Variants in UCK2 observed in about 807,000 individuals in gnomAD.
The protein encoded by UCK2 is cytidine monophosphokinase 2.
In UCK2, 6 loss-of-function variants were observed where a neutral mutation model predicts 30.8. The observed-to-expected ratio is 0.19, with a 90% confidence interval of 0.11 to 0.38. The LOEUF (loss-of-function observed/expected upper bound fraction) is 0.38. Ranked by LOEUF, UCK2 falls within the 10% of genes least tolerant of loss-of-function variation. The pLI, the probability that UCK2 is intolerant of heterozygous loss-of-function variation, is 1.00. For synonymous variants in UCK2, 125 were observed against 133.6 expected, an observed-to-expected ratio of 0.94 and a Z score of 0.45; for missense variants, 210 against 339.8, an observed-to-expected ratio of 0.62 and a Z score of 3.00.
chr1:165,847,352 C>A (rs1169361754), intron 1 of UCK2, among the ~76,000 whole-genome samples: 1 of 151,964 alleles, frequency 6.6e-6, no homozygotes, highest in Non-Finnish European at 1.5e-5. Flanking sequence ...GGAAAACTGA[C>A]AATAATTATC....
rs536109 is a variant in UCK2 at position 165,908,338 on chromosome 1, A to C, written c.*515A>C. 0.35 allele frequency: 53,448 copies of C among 151,796 alleles called. 9,690 individuals carry two copies. The highest frequency in any genetic ancestry group is 0.42 in the Non-Finnish European group (28,427 of 68,062). 9.4% of individuals were successfully genotyped at this position (151,796 alleles called of 1,614,324 possible). A position where few individuals can be genotyped will look rare whatever the true frequency, so the allele number is the denominator to read the frequency against. ...GAACTTGATGGGAATGGGGTTGGAA[A>C]ACCTTGATTGCCTCCTCTGTCACAT... On this transcript the variant is annotated 3_prime_UTR_variant, in exon 7 of 7. Coordinates refer to ENST00000367879, the MANE Select transcript of UCK2 (RefSeq NM_012474.5).
intron 1 of UCK2, among the ~76,000 whole-genome samples, chr1:165,873,490 T>C (rs1655253812): frequency 6.6e-6 from 1 of 152,234 alleles, no homozygotes; most frequent in Admixed American, 6.5e-5. Flanking sequence ...GATTATTACG[T>C]TCATTTTTTA....
chr1:165,888,722 A>G (rs923891779), intron 1 of UCK2, among the ~76,000 whole-genome samples: 3 of 142,990 alleles, frequency 2.1e-5, no homozygotes, highest in African/African-American at 5.3e-5. Context: ...ACCTCAAGCA[A>G]TCCACCCCCT....
At chr1:165,906,956 T>C (rs1647686006) in intron 6 of UCK2, among the ~76,000 whole-genome samples, 1 of 152,240 alleles carries the variant, frequency 6.6e-6, no homozygotes, top group Non-Finnish European at 1.5e-5. Flanking sequence ...TCTTTTAACC[T>C]GGAGATGTTC....
chr1:165,876,907 G>C (rs1286065473), intron 1 of UCK2, among the ~76,000 whole-genome samples: 1 of 152,120 alleles, frequency 6.6e-6, no homozygotes, highest in Non-Finnish European at 1.5e-5. Flanking sequence ...CACCTTTTCT[G>C]TTTCTTAGAA....
intron 1 of UCK2, among the ~76,000 whole-genome samples, chr1:165,871,268 A>G (rs976993789): frequency 5.3e-5 from 8 of 152,192 alleles, no homozygotes; most frequent in African/African-American, 1.9e-4. Flanking sequence ...GTGGGAAAAT[A>G]TACCTCGTGT....
At chr1:165,837,827 A>G (rs1654233057) in intron 1 of UCK2, among the ~76,000 whole-genome samples, 2 of 152,206 alleles carry the variant, frequency 1.3e-5, no homozygotes, top group African/African-American at 2.4e-5. Context: ...CATTTCCAAT[A>G]TTGAACTCCT....
At chr1:165,863,178 T>C (rs1654960887) in intron 1 of UCK2, among the ~76,000 whole-genome samples, 1 of 152,226 alleles carries the variant, frequency 6.6e-6, no homozygotes, top group Admixed American at 6.5e-5. Flanking sequence ...TAAGGATTTA[T>C]GCACTTGAGG....
chr1:165,898,332 T>C (rs529531869), intron 4 of UCK2, among the ~76,000 whole-genome samples: 2 of 152,220 alleles, frequency 1.3e-5, no homozygotes, highest in Non-Finnish European at 2.9e-5. Flanking sequence ...GATTGGTACT[T>C]CTGGGATAGT....
chr1:165,851,066 A>G (rs1414845839), intron 1 of UCK2, among the ~76,000 whole-genome samples: 1 of 150,998 alleles, frequency 6.6e-6, no homozygotes, highest in Non-Finnish European at 1.5e-5. Flanking sequence ...ACCCAGCTTA[A>G]TCAGCCTGTG....
At chr1:165,879,914 C>A (rs1655440652) in intron 1 of UCK2, among the ~76,000 whole-genome samples, 1 of 152,166 alleles carries the variant, frequency 6.6e-6, no homozygotes, top group African/African-American at 2.4e-5. Context: ...CTCTTTCCTT[C>A]CCCTGTTGCT....
chr1:165,869,087 G>A (rs1655123624), intron 1 of UCK2, among the ~76,000 whole-genome samples: 1 of 152,164 alleles, frequency 6.6e-6, no homozygotes, highest in African/African-American at 2.4e-5. Flanking sequence ...CCAGTCAGTG[G>A]AACAGTCAGA....
chr1:165,828,048 C>T (rs1653936915), intron 1 of UCK2, 116 bp downstream of exon 1: 3 of 668,500 alleles, frequency 4.5e-6, no homozygotes, highest in Admixed American at 5.4e-5. Flanking sequence ...CCGCGCGCCT[C>T]CGCTCCCGGC....
chr1:165,833,454 G>A (rs945567007), intron 1 of UCK2, among the ~76,000 whole-genome samples: 1 of 152,116 alleles, frequency 6.6e-6, no homozygotes, highest in Non-Finnish European at 1.5e-5. Context: ...GTAGAATGAA[G>A]AAGAAACCCT....
intron 1 of UCK2, among the ~76,000 whole-genome samples, chr1:165,875,622 G>A (rs141721281): frequency 6.6e-6 from 1 of 152,288 alleles, no homozygotes; most frequent in African/African-American, 2.4e-5. Flanking sequence ...ACTTCAAGTC[G>A]AGGTTCCCAT....
chr1:165,839,568 A>G (rs1006051135), intron 1 of UCK2, among the ~76,000 whole-genome samples: 1 of 152,140 alleles, frequency 6.6e-6, no homozygotes, highest in Non-Finnish European at 1.5e-5. Flanking sequence ...TTGAAGCTTT[A>G]TAATGTGTCC....
intron 1 of UCK2, among the ~76,000 whole-genome samples, chr1:165,840,522 G>C (rs1392370104): frequency 6.6e-6 from 1 of 152,196 alleles, no homozygotes; most frequent in Non-Finnish European, 1.5e-5. Flanking sequence ...TTGCCGTCCA[G>C]TTCTAGCCAG....
intron 5 of UCK2, among the ~76,000 whole-genome samples, chr1:165,904,922 T>C (rs1571302800): frequency 6.6e-6 from 1 of 152,368 alleles, no homozygotes; most frequent in East Asian, 1.9e-4. Flanking sequence ...CTTTGTGGCC[T>C]GACTTTCTTT....
intron 1 of UCK2, among the ~76,000 whole-genome samples, chr1:165,867,309 G>A (rs947604811): frequency 4.6e-5 from 7 of 152,150 alleles, no homozygotes; most frequent in Non-Finnish European, 8.8e-5. Context: ...ATTTCTTAAA[G>A]TCAACAATGA....
Sources: allele counts gnomAD v4.1 joint callset (sites outside exome capture counted in the v4.1 genomes callset), GRCh38; gene constraint gnomAD v4.1.1; transcripts MANE v1.5; gene names NCBI Gene and HGNC (gene_info 2026-07-23, HGNC 2026-07-21).